The following ERP27 variants were observed in gnomAD, a reference collection of about 807,000 sequenced individuals.
ERP27 encodes endoplasmic reticulum protein 27.
A neutral mutation model predicts 27.7 loss-of-function variants in ERP27; 23 were observed. The ratio of observed to expected loss-of-function variants is 0.83; its 90% CI spans 0.60 to 1.18. ERP27 has a LOEUF of 1.18. ERP27 is among the 50% of genes most tolerant of loss of function. The pLI, the probability that ERP27 is intolerant of heterozygous loss-of-function variation, is 0.00. For synonymous variants in ERP27, 159 were observed against 118.3 expected, an observed-to-expected ratio of 1.34 and a Z score of -2.23; for missense variants, 363 against 327.9, an observed-to-expected ratio of 1.11 and a Z score of -0.83.
At chr12:14,917,654 G>A (rs889319596) in intron 4 of ERP27, among the ~76,000 whole-genome samples, 1 of 152,194 alleles carries the variant, frequency 6.6e-6, no homozygotes, top group African/African-American at 2.4e-5. Flanking sequence ...CACTCAAGCA[G>A]TCCTCTGAGG....
intron 3 of ERP27, among the ~76,000 whole-genome samples, chr12:14,926,624 A>G (rs1863606704): frequency 6.6e-6 from 1 of 152,172 alleles, no homozygotes; most frequent in African/African-American, 2.4e-5. Flanking sequence ...AGAATACATT[A>G]TACAACATGC....
intron 3 of ERP27, 37 bp from the exon 4 acceptor site, chr12:14,921,085 T>A: frequency 6.4e-7 from 1 of 1,560,520 alleles, no homozygotes; most frequent in Non-Finnish European, 8.8e-7. Flanking sequence ...CACTATTCCA[T>A]CTTTTTTTCA....
intron 2 of ERP27, chr12:14,935,238 G>T (rs530647211): frequency 2.5e-6 from 2 of 791,614 alleles, no homozygotes; most frequent in Non-Finnish European, 1.5e-6. Context: ...GTCAGGCCTT[G>T]TCATAGAGCT....
Position 14,934,922 on chromosome 12 carries a change from G to T in ERP27, c.267C>A (p.Ile89=), listed in dbSNP as rs575336456. 1.2e-5 allele frequency: 20 copies of T among 1,614,140 alleles called. No individual in the cohort carries two copies. Among genetic ancestry groups the T allele is most frequent in the African/African-American group, 1.1e-4 (8 of 75,040 alleles). The stretch of plus-strand genomic sequence containing the variant: ...GTGTCAGAACCTCAGAATCAGTGCT[G>T]ATCCCAAATGACACGCCTGGGAATT... The part of the protein sequence containing the change: ...VQKFPGVSFG[I]STDSEVLTHY... The change falls in exon 3 of 7, where the codon ATC becomes ATA. Residue 89 remains isoleucine (I), a synonymous_variant. Coordinates refer to ENST00000266397, the MANE Select transcript of ERP27 (RefSeq NM_152321.4).
At chr12:14,925,842 G>C (rs138950091) in intron 3 of ERP27, among the ~76,000 whole-genome samples, 4,272 of 152,114 alleles carry the variant, frequency 0.028, 198 homozygotes, top group African/African-American at 0.097. Context: ...GGCTGAGGTG[G>C]GTAGACCACA....
chr12:14,914,874 A>G, intron 6 of ERP27, 92 bp from the exon 7 acceptor site: 10 of 995,778 alleles, frequency 1.0e-5, no homozygotes, highest in African/African-American at 1.6e-5. Context: ...TTATCTCATG[A>G]ACCCTGTTAT....
At chr12:14,927,266 C>T (rs1863616674) in intron 3 of ERP27, among the ~76,000 whole-genome samples, 1 of 151,560 alleles carries the variant, frequency 6.6e-6, no homozygotes, top group Admixed American at 6.6e-5. Context: ...ATGCATATTC[C>T]ACATGTATAT....
At chr12:14,930,000 C>T (rs988819867) in intron 3 of ERP27, among the ~76,000 whole-genome samples, 1 of 150,582 alleles carries the variant, frequency 6.6e-6, no homozygotes, top group African/African-American at 2.4e-5. Context: ...GAACATCACA[C>T]ACCAGGGCCT....
intron 3 of ERP27, among the ~76,000 whole-genome samples, chr12:14,932,865 A>G (rs761382387): frequency 6.6e-6 from 1 of 152,236 alleles, no homozygotes; most frequent in Non-Finnish European, 1.5e-5. Flanking sequence ...ACTTAATAAA[A>G]TAGTATCTTA....
At chr12:14,934,790 A>T in intron 3 of ERP27, 66 bp downstream of exon 3, 1 of 1,589,942 alleles carries the variant, frequency 6.3e-7, no homozygotes, top group Non-Finnish European at 8.6e-7. Context: ...TTCCAGTCTC[A>T]CAAGTTTATG....
At chr12:14,920,695 C>T (rs10772816) in intron 4 of ERP27, among the ~76,000 whole-genome samples, 97,415 of 152,080 alleles carry the variant, frequency 0.64, 31,408 homozygotes, top group East Asian at 0.86. Flanking sequence ...CTTAACTGTG[C>T]ATTCTGGTTC....
At chr12:14,936,047 G>T (rs1219599689) in intron 2 of ERP27, among the ~76,000 whole-genome samples, 1 of 151,996 alleles carries the variant, frequency 6.6e-6, no homozygotes, top group Non-Finnish European at 1.5e-5. Flanking sequence ...ATGCTAGTCC[G>T]CTGTCTTCTT....
At chr12:14,932,486 A>C in intron 3 of ERP27, among the ~76,000 whole-genome samples, 1 of 152,316 alleles carries the variant, frequency 6.6e-6, no homozygotes, top group East Asian at 1.9e-4. Flanking sequence ...ATAGTTGGCT[A>C]CTGAGAGGAT....
rs777085630 is a variant in ERP27 at position 14,935,039 on chromosome 12, G to A, written c.196-46C>T. On this transcript the variant is annotated intron_variant, in intron 2 of 6. Transcript: ENST00000266397. ...AATACCACAGTGGTTATTTCGAAGGGCAGAGACAAACGATAGGCAAAAGAA... is the reference window on the plus strand; with the variant it reads ...AATACCACAGTGGTTATTTCGAAGGACAGAGACAAACGATAGGCAAAAGAA... 5.7e-6 allele frequency: 9 copies of A among 1,592,714 alleles called. No individual in the cohort carries two copies. In the East Asian group the frequency reaches 1.4e-4, roughly 24 times the overall value.
chr12:14,926,482 ATGTATTCCAAATGCTATTTTTCTTTAT>A (rs1863604710), intron 3 of ERP27, among the ~76,000 whole-genome samples: 1 of 152,108 alleles, frequency 6.6e-6, no homozygotes, highest in Admixed American at 6.5e-5. Context: ...CATTGGTTCT[ATGTATTCCAAATGCTATTTTTCTTTAT>A]TTCTGTCCTA....
At chr12:14,929,896 C>T (rs1047344824) in intron 3 of ERP27, among the ~76,000 whole-genome samples, 1 of 151,940 alleles carries the variant, frequency 6.6e-6, no homozygotes, top group South Asian at 2.1e-4. Context: ...AAGGTCCTCA[C>T]GTCCTCGGTT....
chr12:14,929,181 C>G (rs969525038), intron 3 of ERP27: 9 of 1,336,204 alleles, frequency 6.7e-6, no homozygotes, highest in Non-Finnish European at 8.7e-6. Context: ...CTTCATACTT[C>G]CCAGAACAGG....
At chr12:14,931,892 C>A (rs902941658) in intron 3 of ERP27, among the ~76,000 whole-genome samples, 3 of 151,976 alleles carry the variant, frequency 2.0e-5, no homozygotes, top group Admixed American at 6.5e-5. Context: ...GGATTTCTAC[C>A]AGTGGTTCAA....
At position 14,914,561 on chromosome 12, in the gene ERP27, T is replaced by TGG. The variant is rs1863374576; in HGVS notation, c.*173_*174insCC. The TGG allele has an allele frequency of 4.1e-6, 2 of 486,710 alleles. No individual in the cohort carries two copies. Among genetic ancestry groups the TGG allele is most frequent in the African/African-American group, 3.1e-5 (1 of 31,788 alleles). The allele number at this position is 486,710 out of a possible 1,614,324, so 30.1% of individuals were successfully genotyped here. Reference sequence around the variant, plus strand: ...TTTTAAGACAGGAAATGAAGCTCTGTGTGTGTGTGTGTGTGTGCGTGTGTG... The same window carrying TGG: ...TTTTAAGACAGGAAATGAAGCTCTGTGGGTGTGTGTGTGTGTGTGCGTGTGTG... On this transcript the variant is annotated 3_prime_UTR_variant, in exon 7 of 7. Transcript: ENST00000266397.
Sources: gnomAD v4.1 joint callset for allele counts (sites outside exome capture counted in the v4.1 genomes callset) on GRCh38, gnomAD v4.1.1 for gene constraint, MANE v1.5 for transcripts, NCBI Gene and HGNC (gene_info 2026-07-23, HGNC 2026-07-21) for gene names.